Variants in PKHD1 observed in about 807,000 individuals in gnomAD.
PKHD1 encodes the protein fibrocystin.
A neutral mutation model predicts 412.0 loss-of-function variants in PKHD1; 291 were observed. That is an observed-to-expected ratio of 0.71 (90% CI 0.64 to 0.78). The LOEUF (loss-of-function observed/expected upper bound fraction) is 0.78, where lower values mean the gene tolerates loss of function less well. Among genes scored for constraint, PKHD1 ranks in the 30% least tolerant of loss-of-function variants. PKHD1 has a pLI of 0.00. For missense variants in PKHD1, 4,825 were observed against 4,950.7 expected (o/e 0.97, Z 0.76); for synonymous variants, 1,777 against 1,821.5 (o/e 0.98, Z 0.62).
chr6:51,916,008 T>G (rs1320814531), intron 37 of PKHD1, among the ~76,000 whole-genome samples: 2 of 152,060 alleles, frequency 1.3e-5, no homozygotes, highest in Non-Finnish European at 2.9e-5. Context: ...GAGACTTCAA[T>G]TACATAAACA....
intron 57 of PKHD1, 71 bp downstream of exon 57, chr6:51,753,130 T>C: frequency 3.0e-6 from 4 of 1,320,724 alleles, no homozygotes; most frequent in Non-Finnish European, 4.3e-6. Flanking sequence ...ATTCTCACAG[T>C]TGGGATTTCT....
At chr6:51,622,542 A>G (rs897280260) in intron 66 of PKHD1, 2 of 152,234 alleles carry the variant, frequency 1.3e-5, no homozygotes, top group Admixed American at 1.3e-4. Context: ...CAGGGAATGT[A>G]TATGCCATAA....
chr6:51,832,453 G>A (rs943974759), intron 51 of PKHD1, among the ~76,000 whole-genome samples: 3 of 151,992 alleles, frequency 2.0e-5, no homozygotes, highest in Non-Finnish European at 4.4e-5. Flanking sequence ...AGAGGTAAGT[G>A]ACAAGGTTGG....
rs55992586 is a variant in PKHD1, at chr6:52,059,259, C to CTTTTTTTTTT, written c.1233+659_1234-659dup. On this transcript the variant is annotated intron_variant, in intron 15 of 66. Coordinates refer to ENST00000371117, the MANE Select transcript of PKHD1 (RefSeq NM_138694.4). Reference sequence around the variant, plus strand: ...CTTTCTTTTTTTTCTTTTTCTTTTTCTTTTTTTTTTTTTTTTTTTTTTTTG... The same window carrying CTTTTTTTTTT: ...CTTTCTTTTTTTTCTTTTTCTTTTTCTTTTTTTTTTTTTTTTTTTTTTTTTTTTTTTTTTG... Among the ~76,000 whole-genome samples the CTTTTTTTTTT allele has an allele frequency of 2.5e-3, 212 of 83,496 alleles. 7 individuals carry two copies. Among genetic ancestry groups the CTTTTTTTTTT allele is most frequent in the African/African-American group, 6.9e-3 (132 of 19,182 alleles). 54.8% of individuals were successfully genotyped at this position (83,496 alleles called of 152,430 possible).
chr6:51,788,976 G>C (rs1331653478), intron 53 of PKHD1, among the ~76,000 whole-genome samples: 3 of 152,192 alleles, frequency 2.0e-5, no homozygotes, highest in African/African-American at 7.2e-5. Flanking sequence ...AGGTGGCCAA[G>C]GTGGATTTGG....
intron 35 of PKHD1, among the ~76,000 whole-genome samples, chr6:52,000,683 T>C (rs1447743539): frequency 2.6e-5 from 4 of 152,204 alleles, no homozygotes; most frequent in Non-Finnish European, 4.4e-5. Context: ...GTAGTGTAGC[T>C]GAGATAATGC....
At chr6:51,933,724 G>A (rs1375296951) in intron 37 of PKHD1, among the ~76,000 whole-genome samples, 3 of 152,192 alleles carry the variant, frequency 2.0e-5, no homozygotes, top group Non-Finnish European at 4.4e-5. Context: ...CTAAAGCATC[G>A]TAACAGGTCT....
intron 46 of PKHD1, among the ~76,000 whole-genome samples, chr6:51,872,415 GT>G (rs34630629): frequency 0.36 from 52,890 of 148,942 alleles, 10,150 homozygotes; most frequent in East Asian, 0.73. Flanking sequence ...TTGTTTTTTG[GT>G]TTTTTTTTTT....
chr6:51,673,474 T>C (rs1429440098), intron 60 of PKHD1, among the ~76,000 whole-genome samples: 1 of 152,254 alleles, frequency 6.6e-6, no homozygotes, highest in Non-Finnish European at 1.5e-5. Flanking sequence ...ACTCACTTGC[T>C]ATAGCAAGTT....
chr6:51,728,101 A>C (rs1354485649), intron 60 of PKHD1, among the ~76,000 whole-genome samples: 1 of 152,172 alleles, frequency 6.6e-6, no homozygotes, highest in Non-Finnish European at 1.5e-5. Context: ...ATGCTTTCTT[A>C]TCTGGTCATA....
In PKHD1 at chr6:51,883,296, T is replaced by C. The variant is rs941306800; in HGVS notation, c.7216-69A>G. On this transcript the variant is annotated intron_variant, in intron 45 of 66. Coordinates refer to ENST00000371117, the MANE Select transcript of PKHD1 (RefSeq NM_138694.4). Reference sequence around the variant, plus strand: ...TTTCTTGCGGACTTCCTGTAGCTTTTAAAATTATTGATTAAGTAGAAAGAA... The same window carrying C: ...TTTCTTGCGGACTTCCTGTAGCTTTCAAAATTATTGATTAAGTAGAAAGAA... 24 of 1,358,108 alleles carry C rather than the reference T, an allele frequency of 1.8e-5. No homozygotes were observed. The Admixed American group carries it at 2.0e-4, about 11-fold the overall frequency. 84.1% of individuals were successfully genotyped at this position (1,358,108 alleles called of 1,614,324 possible). A position where few individuals can be genotyped will look rare whatever the true frequency, so the allele number is the denominator to read the frequency against.
At chr6:51,736,016 T>G (rs1279473665) in intron 60 of PKHD1, among the ~76,000 whole-genome samples, 1 of 152,200 alleles carries the variant, frequency 6.6e-6, no homozygotes, top group African/African-American at 2.4e-5. Context: ...TTACCTAATG[T>G]CTACATCAGT....
chr6:51,881,446 G>T (rs1777340781), intron 46 of PKHD1, among the ~76,000 whole-genome samples: 1 of 152,064 alleles, frequency 6.6e-6, no homozygotes, highest in African/African-American at 2.4e-5. Context: ...GGATTTGTTG[G>T]AGATTTTGGG....
intron 54 of PKHD1, 125 bp from the exon 55 acceptor site, chr6:51,772,914 C>T: frequency 1.4e-6 from 1 of 689,888 alleles, no homozygotes; most frequent in East Asian, 2.6e-5. Flanking sequence ...TATGAAGGTC[C>T]CATATTATCA....
intron 43 of PKHD1, among the ~76,000 whole-genome samples, chr6:51,889,989 G>C (rs1412309446): frequency 6.6e-6 from 1 of 151,980 alleles, no homozygotes; most frequent in African/African-American, 2.4e-5. Context: ...TATATTTATG[G>C]TGGATTTTTT....
intron 63 of PKHD1, among the ~76,000 whole-genome samples, chr6:51,640,764 T>G (rs183110988): frequency 1.3e-5 from 2 of 152,334 alleles, no homozygotes; most frequent in Admixed American, 1.3e-4. Context: ...AATGTTGAGA[T>G]GTTATCTTTA....
chr6:51,809,311 G>A lies in PKHD1; in HGVS notation c.8303-17938C>T, dbSNP rs138345958. On this transcript the variant is annotated intron_variant, in intron 52 of 66. Coordinates refer to ENST00000371117, the MANE Select transcript of PKHD1 (RefSeq NM_138694.4). The stretch of plus-strand genomic sequence containing the variant: ...CTATTCCAACATAATTTACTGAAAC[G>A]TAGTATTTTCCCACTGTTTTGAAAT... Among the ~76,000 whole-genome samples, 433 of 152,074 alleles carry A rather than the reference G, an allele frequency of 2.8e-3. 1 individual carries two copies. The highest frequency in any genetic ancestry group is 9.9e-3 in the African/African-American group (411 of 41,496).
intron 17 of PKHD1, 34 bp downstream of exon 17, chr6:52,056,856 C>T (rs1026442812): frequency 1.9e-6 from 3 of 1,583,480 alleles, no homozygotes; most frequent in East Asian, 2.2e-5. Context: ...AGTTCTCCCA[C>T]TCCCCTCCCT....
At chr6:51,713,848 C>G (rs1780928941) in intron 60 of PKHD1, among the ~76,000 whole-genome samples, 1 of 152,188 alleles carries the variant, frequency 6.6e-6, no homozygotes, top group Non-Finnish European at 1.5e-5. Context: ...ATCTGGTCTA[C>G]AGTTGGCCAG....
Sources: allele counts gnomAD v4.1 joint callset (sites outside exome capture counted in the v4.1 genomes callset), GRCh38; gene constraint gnomAD v4.1.1; transcripts MANE v1.5; gene names NCBI Gene and HGNC (gene_info 2026-07-23, HGNC 2026-07-21).